KIAA1958: variants seen among roughly 807,000 people sequenced by gnomAD.
The protein encoded by KIAA1958 is uncharacterized protein KIAA1958.
A neutral mutation model predicts 47.2 loss-of-function variants in KIAA1958; 14 were observed. That is an observed-to-expected ratio of 0.30 (90% CI 0.20 to 0.46). The LOEUF (loss-of-function observed/expected upper bound fraction) is 0.46. KIAA1958 is among the 20% of genes least tolerant of loss of function. The pLI is 1.00. For synonymous variants in KIAA1958, 354 were observed against 353.3 expected (o/e 1.00, Z -0.02); for missense variants, 803 against 909.2 (o/e 0.88, Z 1.50).
intron 3 of KIAA1958, among the ~76,000 whole-genome samples, chr9:112,650,327 T>A (rs1837036336): frequency 6.6e-6 from 1 of 152,148 alleles, no homozygotes; most frequent in South Asian, 2.1e-4. Context: ...GCAAAGTACT[T>A]GAAATGGCAT....
chr9:112,632,227 A>G (rs922862089), intron 2 of KIAA1958, among the ~76,000 whole-genome samples: 5 of 152,104 alleles, frequency 3.3e-5, no homozygotes, highest in Non-Finnish European at 5.9e-5. Flanking sequence ...GAATTTTGCT[A>G]TGCATATTGT....
chr9:112,538,519 A>G (rs1326019629), intron 1 of KIAA1958, among the ~76,000 whole-genome samples: 1 of 152,190 alleles, frequency 6.6e-6, no homozygotes, highest in African/African-American at 2.4e-5. Flanking sequence ...TCAAAGCAGA[A>G]CAGCATTAGA....
intron 1 of KIAA1958, among the ~76,000 whole-genome samples, chr9:112,507,193 A>G (rs1834247881): frequency 6.6e-6 from 1 of 152,192 alleles, no homozygotes; most frequent in Non-Finnish European, 1.5e-5. Context: ...CTGCTGATGC[A>G]CTAAGCTCTG....
chr9:112,604,988 G>A (rs946436848), intron 2 of KIAA1958, among the ~76,000 whole-genome samples: 3 of 145,326 alleles, frequency 2.1e-5, no homozygotes, highest in African/African-American at 7.5e-5. Flanking sequence ...TATATTTTAT[G>A]TATAACATAT....
At chr9:112,532,932 T>C (rs1753642791) in intron 1 of KIAA1958, among the ~76,000 whole-genome samples, 1 of 152,206 alleles carries the variant, frequency 6.6e-6, no homozygotes, top group Non-Finnish European at 1.5e-5. Context: ...TGAAAAATAA[T>C]AATCTACCAT....
At chr9:112,506,210 A>T (rs1460718927) in intron 1 of KIAA1958, among the ~76,000 whole-genome samples, 4 of 152,218 alleles carry the variant, frequency 2.6e-5, no homozygotes, top group Non-Finnish European at 5.9e-5. Flanking sequence ...TAATCCCAGC[A>T]CTTTGGGAGG....
At chr9:112,654,603 G>A (rs1422808295) in intron 3 of KIAA1958, among the ~76,000 whole-genome samples, 1 of 151,186 alleles carries the variant, frequency 6.6e-6, no homozygotes, top group Non-Finnish European at 1.5e-5. Flanking sequence ...TTCAAGTTTG[G>A]TTTGTCTCTT....
intron 2 of KIAA1958, among the ~76,000 whole-genome samples, chr9:112,602,781 A>G (rs893140755): frequency 6.6e-6 from 1 of 152,144 alleles, no homozygotes; most frequent in African/African-American, 2.4e-5. Flanking sequence ...TGACTCTCTG[A>G]AGGGTCCTAA....
At position 112,618,162 on chromosome 9, in the gene KIAA1958, A is replaced by T; in HGVS notation, c.1172-27488A>T. 1 of 1,550,580 alleles carries T rather than the reference A, an allele frequency of 6.4e-7. No homozygotes were observed. Among genetic ancestry groups the T allele is most frequent in the Non-Finnish European group, 8.7e-7 (1 of 1,146,996 alleles). On this transcript the variant is annotated intron_variant, in intron 2 of 3. Transcript: ENST00000337530. This position sits in a 1 kb window ranked among gnomAD's most constrained non-coding sequence, Gnocchi z 7.1. ...AGGTATGGCTATAGCATCACCAGGG[A>T]TAAGGAATTCAAGCGTTCCCAAGAG...
In KIAA1958 at chr9:112,664,819, A is replaced by T. The variant is rs1352850345; in HGVS notation, c.*4750A>T. On this transcript the variant is annotated 3_prime_UTR_variant, in exon 4 of 4. Coordinates refer to ENST00000337530, the MANE Select transcript of KIAA1958 (RefSeq NM_133465.4). ...GGCCATGGGGTATGATAACTAAATG[A>T]ACATCTCTGGAAGTTCCTCCGTCTG... 1.3e-5 allele frequency: 2 copies of T among 152,206 alleles called. No individual in the cohort carries two copies. Among genetic ancestry groups the T allele is most frequent in the African/African-American group, 4.8e-5 (2 of 41,442 alleles). 9.4% of individuals were successfully genotyped at this position (152,206 alleles called of 1,614,324 possible).
At chr9:112,542,351 T>C (rs1356229499) in intron 1 of KIAA1958, among the ~76,000 whole-genome samples, 1 of 152,122 alleles carries the variant, frequency 6.6e-6, no homozygotes, top group East Asian at 1.9e-4. Flanking sequence ...TTAAACTGTA[T>C]TAAAAAGTTT....
At chr9:112,503,846 A>G (rs1834186132) in intron 1 of KIAA1958, among the ~76,000 whole-genome samples, 1 of 151,934 alleles carries the variant, frequency 6.6e-6, no homozygotes, top group Non-Finnish European at 1.5e-5. Flanking sequence ...CATGACTGTC[A>G]TGCAAAGCTA....
chr9:112,507,115 A>G (rs528279516), intron 1 of KIAA1958, among the ~76,000 whole-genome samples: 1 of 145,910 alleles, frequency 6.9e-6, no homozygotes, highest in African/African-American at 2.6e-5. Context: ...GAAGGAGGCC[A>G]TACATTTACA....
intron 2 of KIAA1958, among the ~76,000 whole-genome samples, chr9:112,605,332 GAA>G (rs1485924699): frequency 2.6e-5 from 4 of 152,084 alleles, no homozygotes; most frequent in African/African-American, 9.7e-5. Context: ...ATGGGTTGGG[GAA>G]AAGTGAAGTG....
chr9:112,584,208 C>T (rs1278496259), intron 2 of KIAA1958, among the ~76,000 whole-genome samples: 1 of 152,114 alleles, frequency 6.6e-6, no homozygotes, highest in Non-Finnish European at 1.5e-5. Flanking sequence ...GTGACTGTGG[C>T]AAGTTACTTA....
intron 2 of KIAA1958, among the ~76,000 whole-genome samples, chr9:112,614,098 A>G (rs1836371875): frequency 1.3e-5 from 2 of 152,238 alleles, no homozygotes; most frequent in South Asian, 4.1e-4. Context: ...TTATCTACAA[A>G]TACACAACAG....
chr9:112,543,799 C>A (rs191689551), intron 1 of KIAA1958, among the ~76,000 whole-genome samples: 80 of 152,206 alleles, frequency 5.3e-4, no homozygotes, highest in Non-Finnish European at 7.6e-4. Flanking sequence ...TCTCGAACTT[C>A]CGACCTCAGA....
At chr9:112,604,328 C>G (rs947885667) in intron 2 of KIAA1958, among the ~76,000 whole-genome samples, 1 of 152,210 alleles carries the variant, frequency 6.6e-6, no homozygotes, top group Non-Finnish European at 1.5e-5. Context: ...TGAGACCCCT[C>G]TCCAGGTCAC....
chr9:112,568,936 TAAAAAAAAAAAAAAA>T (rs57898820), intron 1 of KIAA1958, among the ~76,000 whole-genome samples: 113 of 36,458 alleles, frequency 3.1e-3, no homozygotes, highest in East Asian at 0.015. Flanking sequence ...ATAGGAAAAC[TAAAAAAAAAAAAAAA>T]AAAAAAAAAA....
Sources: gnomAD v4.1 joint callset for allele counts (sites outside exome capture counted in the v4.1 genomes callset) on GRCh38, gnomAD v4.1.1 for gene constraint, Gnocchi (gnomAD v3.1) non-coding constraint, MANE v1.5 for transcripts, NCBI Gene and HGNC (gene_info 2026-07-23, HGNC 2026-07-21) for gene names.